The following IGF1 variants were observed in gnomAD, a reference collection of about 807,000 sequenced individuals.
The protein encoded by IGF1 is insulin-like growth factor 1.
IGF1 carries 4 observed loss-of-function variants against 13.8 expected under a neutral mutation model. The ratio of observed to expected loss-of-function variants is 0.29; its 90% CI spans 0.14 to 0.66. The LOEUF is 0.66. Ranked by LOEUF, IGF1 falls within the 30% of genes least tolerant of loss-of-function variation. IGF1 has a pLI of 0.78. For synonymous variants in IGF1, 76 were observed against 72.6 expected (o/e 1.05, Z -0.23); for missense variants, 124 against 188.5 (o/e 0.66, Z 2.00).
intron 3 of IGF1, among the ~76,000 whole-genome samples, chr12:102,412,594 G>A (rs1448143694): frequency 6.6e-6 from 1 of 151,956 alleles, no homozygotes; most frequent in Non-Finnish European, 1.5e-5. Context: ...CTTGACCAAT[G>A]GTTCTTAAAA....
chr12:102,471,623 T>C (rs1337157175), intron 2 of IGF1, among the ~76,000 whole-genome samples: 2 of 152,332 alleles, frequency 1.3e-5, no homozygotes, highest in African/African-American at 2.4e-5. Context: ...ATTGGAAGTA[T>C]GTTTTACAAA....
At chr12:102,474,380 ATTCT>A (rs1880881587) in intron 2 of IGF1, among the ~76,000 whole-genome samples, 1 of 152,214 alleles carries the variant, frequency 6.6e-6, no homozygotes, top group Admixed American at 6.5e-5. Flanking sequence ...GGCACTTCTG[ATTCT>A]TTGTCACTAG....
intron 2 of IGF1, among the ~76,000 whole-genome samples, chr12:102,465,456 C>G (rs1448947822): frequency 6.6e-6 from 1 of 152,206 alleles, no homozygotes; most frequent in Non-Finnish European, 1.5e-5. Context: ...GGAGCTGGGT[C>G]AGGCCCAAAT....
At chr12:102,445,711 A>T (rs1286109961) in intron 2 of IGF1, among the ~76,000 whole-genome samples, 1 of 152,072 alleles carries the variant, frequency 6.6e-6, no homozygotes, top group East Asian at 1.9e-4. Context: ...CTTTCTTCCT[A>T]TTTGAAAACT....
intron 2 of IGF1, among the ~76,000 whole-genome samples, chr12:102,460,502 T>C (rs1879815115): frequency 6.6e-6 from 1 of 152,214 alleles, no homozygotes; most frequent in South Asian, 2.1e-4. Flanking sequence ...TGGGTATTGC[T>C]AAACACAGAG....
Position 102,402,484 on chromosome 12 carries a change from C to T in IGF1, c.*23G>A, listed in dbSNP as rs374864970. ...AAGGATCCTGCGGTGGCATGTCACT[C>T]TTCACTCCTCAGGAGGGTCTTCCTA... On this transcript the variant is annotated 3_prime_UTR_variant, in exon 4 of 4. Coordinates refer to ENST00000337514, the MANE Select transcript of IGF1 (RefSeq NM_000618.5). 1.9e-4 allele frequency: 149 copies of T among 780,708 alleles called. No homozygotes were observed. The highest frequency in any genetic ancestry group is 3.3e-4 in the Non-Finnish European group (137 of 417,952). 48.4% of individuals were successfully genotyped at this position (780,708 alleles called of 1,614,324 possible).
chr12:102,449,371 A>C (rs1878702145), intron 2 of IGF1, among the ~76,000 whole-genome samples: 1 of 151,336 alleles, frequency 6.6e-6, no homozygotes, highest in Non-Finnish European at 1.5e-5. Context: ...CAGGGAGGGG[A>C]ACATCACACA....
At chr12:102,450,118 A>G (rs1022526409) in intron 2 of IGF1, among the ~76,000 whole-genome samples, 11 of 152,216 alleles carry the variant, frequency 7.2e-5, no homozygotes, top group African/African-American at 2.4e-4. Context: ...GACTTTTCAT[A>G]TAGTAGATTT....
chr12:102,408,730 C>A (rs1874382764), intron 3 of IGF1, among the ~76,000 whole-genome samples: 1 of 152,130 alleles, frequency 6.6e-6, no homozygotes, highest in Non-Finnish European at 1.5e-5. Flanking sequence ...TTCTGAGAAA[C>A]ACAGAAATTT....
In IGF1 at chr12:102,446,716, A is replaced by G. The variant is rs145886860; in HGVS notation, c.221-27026T>C. Among the ~76,000 whole-genome samples the G allele has an allele frequency of 7.2e-5, 11 of 152,124 alleles. No homozygotes were observed. In the East Asian group the frequency reaches 7.7e-4, roughly 11 times the overall value. On this transcript the variant is annotated intron_variant, in intron 2 of 3. Coordinates refer to ENST00000337514, the MANE Select transcript of IGF1 (RefSeq NM_000618.5). ...TTTTTGAAGGGTTTCTCATGTCTCT[A>G]TCTCTTTCAGTTCTGCTCTGATCTT... is the stretch of plus-strand genomic sequence containing the variant.
intron 2 of IGF1, among the ~76,000 whole-genome samples, chr12:102,471,083 C>T (rs1472883275): frequency 2.6e-5 from 4 of 152,146 alleles, no homozygotes; most frequent in South Asian, 2.1e-4. Flanking sequence ...ATTCCATCCC[C>T]GAGGGGTTGA....
intron 2 of IGF1, among the ~76,000 whole-genome samples, chr12:102,456,836 T>G (rs1879450358): frequency 2.0e-5 from 3 of 152,200 alleles, no homozygotes. Context: ...GGGGCATGAA[T>G]GCATCTTGGC....
chr12:102,439,389 A>G (rs1339566633), intron 2 of IGF1, among the ~76,000 whole-genome samples: 1 of 152,230 alleles, frequency 6.6e-6, no homozygotes, highest in Admixed American at 6.5e-5. Flanking sequence ...ATTAGAAGGT[A>G]GGATTTGAAT....
At chr12:102,442,968 G>A (rs1161835215) in intron 2 of IGF1, among the ~76,000 whole-genome samples, 2 of 151,986 alleles carry the variant, frequency 1.3e-5, no homozygotes, top group Non-Finnish European at 2.9e-5. Context: ...GTTTTTGATA[G>A]CATGGAAAAT....
At chr12:102,445,168 C>T (rs891346610) in intron 2 of IGF1, among the ~76,000 whole-genome samples, 5 of 152,046 alleles carry the variant, frequency 3.3e-5, no homozygotes, top group African/African-American at 7.2e-5. Context: ...AGTCAGGTAG[C>T]GTGATGCCTC....
At position 102,403,747 on chromosome 12, in the gene IGF1, C is replaced by A. The variant is rs140853007; in HGVS notation, c.403-1181G>T. 7.1e-3 allele frequency among the ~76,000 whole-genome samples: 1,057 copies of A among 149,124 alleles called. 6 individuals carry two copies. Among genetic ancestry groups the A allele is most frequent in the Middle Eastern group, 0.031 (9 of 286 alleles). Reference sequence around the variant, plus strand: ...TTGGTCTCCCAAAGTGCTGGCATTCCAGGCATGAGCCACTGCACCCGGCCT... The same window carrying A: ...TTGGTCTCCCAAAGTGCTGGCATTCAAGGCATGAGCCACTGCACCCGGCCT... On this transcript the variant is annotated intron_variant, in intron 3 of 3. Transcript: ENST00000337514.
intron 2 of IGF1, chr12:102,463,484 T>G (rs1352735994): frequency 2.6e-5 from 4 of 152,190 alleles, no homozygotes; most frequent in Non-Finnish European, 5.9e-5. Flanking sequence ...TAAAATCAGC[T>G]TTTTCCTTTA....
At chr12:102,445,578 A>G (rs910226996) in intron 2 of IGF1, among the ~76,000 whole-genome samples, 3 of 152,212 alleles carry the variant, frequency 2.0e-5, no homozygotes, top group Admixed American at 6.5e-5. Flanking sequence ...ATTTTTCCAC[A>G]TTGATTTTGC....
intron 2 of IGF1, among the ~76,000 whole-genome samples, chr12:102,467,685 G>A (rs115776580): frequency 3.3e-4 from 50 of 152,264 alleles, no homozygotes; most frequent in African/African-American, 1.2e-3. Flanking sequence ...TTGAAAGGAA[G>A]GAACCAACAA....
Sources: allele counts gnomAD v4.1 joint callset (sites outside exome capture counted in the v4.1 genomes callset), GRCh38; gene constraint gnomAD v4.1.1; transcripts MANE v1.5; gene names NCBI Gene and HGNC (gene_info 2026-07-23, HGNC 2026-07-21).